Variants in ROBO2 observed in about 807,000 individuals in gnomAD.
The protein encoded by ROBO2 is roundabout guidance receptor 2.
A neutral mutation model predicts 160.8 loss-of-function variants in ROBO2; 53 were observed. The observed-to-expected ratio is 0.33, with a 90% CI of 0.26 to 0.41. The LOEUF (loss-of-function observed/expected upper bound fraction) is 0.41, where lower values mean the gene tolerates loss of function less well. ROBO2 is among the 10% of genes least tolerant of loss of function. The pLI, the probability that ROBO2 is intolerant of heterozygous loss-of-function variation, is 1.00. For synonymous variants in ROBO2, 664 were observed against 611.7 expected (o/e 1.09, Z -1.26); for missense variants, 1,577 against 1,722.4 (o/e 0.92, Z 1.49).
intron 15 of ROBO2, among the ~76,000 whole-genome samples, chr3:77,578,596 A>G (rs2153673685): frequency 6.6e-6 from 1 of 152,248 alleles, no homozygotes; most frequent in South Asian, 2.1e-4. Context: ...TGCTAAAGCA[A>G]ATGAATGGAC....
chr3:76,545,405 T>A (rs1019592905), intron 2 of ROBO2, among the ~76,000 whole-genome samples: 1 of 151,962 alleles, frequency 6.6e-6, no homozygotes, highest in Non-Finnish European at 1.5e-5. Flanking sequence ...GAGTTTTCCA[T>A]GTTTCTGTCA....
chr3:76,178,075 C>G (rs780698633), intron 2 of ROBO2, among the ~76,000 whole-genome samples: 69 of 152,038 alleles, frequency 4.5e-4, no homozygotes, highest in Admixed American at 8.5e-4. Flanking sequence ...TATTTGATAG[C>G]TCCCCAAAAA....
At chr3:76,808,461 C>T (rs1341717483) in intron 2 of ROBO2, among the ~76,000 whole-genome samples, 1 of 151,950 alleles carries the variant, frequency 6.6e-6, no homozygotes, top group African/African-American at 2.4e-5. Context: ...GTGAATTAAA[C>T]ATAAATATTT....
intron 2 of ROBO2, among the ~76,000 whole-genome samples, chr3:76,956,044 G>C (rs2079231896): frequency 6.6e-6 from 1 of 151,732 alleles, no homozygotes; most frequent in Admixed American, 6.6e-5. Flanking sequence ...CAATAAAAAA[G>C]CTCCCTTCTC....
intron 2 of ROBO2, among the ~76,000 whole-genome samples, chr3:76,049,964 G>A (rs2067599219): frequency 6.6e-6 from 1 of 152,150 alleles, no homozygotes; most frequent in Non-Finnish European, 1.5e-5. Flanking sequence ...GATTAAATGA[G>A]TGCAGAATGG....
intron 2 of ROBO2, among the ~76,000 whole-genome samples, chr3:77,357,295 A>G (rs2069272398): frequency 6.6e-6 from 1 of 152,082 alleles, no homozygotes; most frequent in Non-Finnish European, 1.5e-5. Context: ...GGATTAATAC[A>G]GTTATTGCAG....
At chr3:76,143,538 A>G (rs1248717468) in intron 2 of ROBO2, among the ~76,000 whole-genome samples, 1 of 152,092 alleles carries the variant, frequency 6.6e-6, no homozygotes, top group Admixed American at 6.6e-5. Flanking sequence ...GCCATGAACT[A>G]GCAATACTCT....
At chr3:76,892,007 G>A (rs1180134210) in intron 2 of ROBO2, among the ~76,000 whole-genome samples, 2 of 152,040 alleles carry the variant, frequency 1.3e-5, no homozygotes, top group Non-Finnish European at 1.5e-5. Flanking sequence ...CTGTGTAGGA[G>A]GTGACCTGGG....
intron 2 of ROBO2, among the ~76,000 whole-genome samples, chr3:76,851,549 C>G (rs1370767249): frequency 6.6e-6 from 1 of 150,840 alleles, no homozygotes; most frequent in South Asian, 2.1e-4. Flanking sequence ...TCCTGGCTAA[C>G]AAGGTGAAAC....
intron 2 of ROBO2, among the ~76,000 whole-genome samples, chr3:77,237,183 C>CTTTTTTTTTTTTTTTTTTTTT (rs34992972): frequency 9.3e-6 from 1 of 107,114 alleles, no homozygotes; most frequent in Non-Finnish European, 1.8e-5. Context: ...CTTGACCTTT[C>CTTTTTTTTTTTTTTTTTTTTT]TTTTTTTTTT....
chr3:76,804,419 C>G (rs1198546469), intron 2 of ROBO2, among the ~76,000 whole-genome samples: 2 of 152,092 alleles, frequency 1.3e-5, no homozygotes, highest in African/African-American at 4.8e-5. Context: ...GGTTTTCTAA[C>G]AAGGATAGGT....
intron 2 of ROBO2, among the ~76,000 whole-genome samples, chr3:76,647,918 A>T (rs147119716): frequency 6.6e-6 from 1 of 152,320 alleles, no homozygotes; most frequent in Non-Finnish European, 1.5e-5. Context: ...TGTATTTATG[A>T]ATTTATTTCC....
chr3:77,437,854 C>A, intron 2 of ROBO2, among the ~76,000 whole-genome samples: 1 of 152,076 alleles, frequency 6.6e-6, no homozygotes, highest in East Asian at 1.9e-4. Flanking sequence ...TCTGACCAGT[C>A]AATTCCTTAA....
At chr3:76,767,186 G>A (rs1191077130) in intron 2 of ROBO2, among the ~76,000 whole-genome samples, 1 of 151,464 alleles carries the variant, frequency 6.6e-6, no homozygotes, top group Non-Finnish European at 1.5e-5. Context: ...TACTACAAAA[G>A]CCTTTTAGTA....
At position 76,200,403 on chromosome 3, in the gene ROBO2, A is replaced by C. The variant is rs150136421; in HGVS notation, c.109+262801A>C. On this transcript the variant is annotated intron_variant, in intron 2 of 26. Coordinates refer to the ROBO2 transcript ENST00000487694. The stretch of plus-strand genomic sequence containing the variant: ...TTTGTAAATGGAAATACTTTTTATA[A>C]AAGGAAAGCTCATGCCCTGTTTTTG... Among the ~76,000 whole-genome samples the C allele has an allele frequency of 3.3e-4, 51 of 152,250 alleles. No homozygotes were observed. The East Asian group carries it at 9.5e-3, about 28-fold the overall frequency.
At chr3:77,243,403 T>C (rs1024529905) in intron 2 of ROBO2, among the ~76,000 whole-genome samples, 1 of 152,208 alleles carries the variant, frequency 6.6e-6, no homozygotes, top group African/African-American at 2.4e-5. Flanking sequence ...TGAGAAGTCT[T>C]AGGAGCAACT....
At chr3:76,285,120 C>T (rs544130103) in intron 2 of ROBO2, among the ~76,000 whole-genome samples, 6 of 152,162 alleles carry the variant, frequency 3.9e-5, no homozygotes, top group African/African-American at 1.2e-4. Flanking sequence ...AAGAACTTTT[C>T]TTGTTCACCA....
intron 2 of ROBO2, among the ~76,000 whole-genome samples, chr3:76,025,765 T>A (rs1432016469): frequency 6.6e-6 from 1 of 151,776 alleles, no homozygotes; most frequent in Non-Finnish European, 1.5e-5. Context: ...ATATTTTCCA[T>A]GCTCTGTAAT....
At chr3:77,265,478 G>T (rs2059064597) in intron 2 of ROBO2, among the ~76,000 whole-genome samples, 1 of 151,904 alleles carries the variant, frequency 6.6e-6, no homozygotes, top group African/African-American at 2.4e-5. Context: ...TATGAGAGAT[G>T]ATATAAATAT....
Sources: allele counts gnomAD v4.1 joint callset (sites outside exome capture counted in the v4.1 genomes callset), GRCh38; gene constraint gnomAD v4.1.1; transcripts MANE v1.5; gene names NCBI Gene and HGNC (gene_info 2026-07-23, HGNC 2026-07-21).